Variants in XPR1 observed in about 807,000 individuals in gnomAD.
XPR1 encodes solute carrier family 53 member 1.
A neutral mutation model predicts 87.5 loss-of-function variants in XPR1; 28 were observed. The observed-to-expected ratio is 0.32, with a 90% CI of 0.24 to 0.44. The LOEUF (loss-of-function observed/expected upper bound fraction) is 0.44, where lower values mean the gene tolerates loss of function less well. XPR1 is among the 20% of genes least tolerant of loss of function. XPR1 has a pLI of 1.00. For missense variants in XPR1, 559 were observed against 862.3 expected (o/e 0.65, Z 4.41); for synonymous variants, 300 against 306.1 (o/e 0.98, Z 0.21).
intron 13 of XPR1, among the ~76,000 whole-genome samples, chr1:180,879,418 G>A (rs1165262912): frequency 6.6e-6 from 1 of 152,090 alleles, no homozygotes; most frequent in African/African-American, 2.4e-5. Flanking sequence ...CTGTGGGTGG[G>A]CCCTCTTCCA....
At chr1:180,634,946 C>T (rs2101889727) in intron 1 of XPR1, among the ~76,000 whole-genome samples, 1 of 152,068 alleles carries the variant, frequency 6.6e-6, no homozygotes, top group African/African-American at 2.4e-5. Context: ...CGCTCTTCTT[C>T]CATAAAGTAA....
intron 1 of XPR1, among the ~76,000 whole-genome samples, chr1:180,655,978 T>A (rs780885072): frequency 1.3e-5 from 2 of 152,024 alleles, no homozygotes; most frequent in African/African-American, 2.4e-5. Flanking sequence ...TTATCCTCTC[T>A]TAGTTATTTT....
intron 2 of XPR1, among the ~76,000 whole-genome samples, chr1:180,768,927 A>G (rs555076246): frequency 1.3e-5 from 2 of 152,232 alleles, no homozygotes; most frequent in South Asian, 4.1e-4. Flanking sequence ...ATGGTGGCAC[A>G]TAGAATTGAA....
intron 1 of XPR1, among the ~76,000 whole-genome samples, chr1:180,642,989 G>C (rs563612231): frequency 2.0e-5 from 3 of 152,224 alleles, no homozygotes; most frequent in East Asian, 3.9e-4. Flanking sequence ...AATGCAATCT[G>C]GTTTAGTTAG....
chr1:180,758,142 C>CACACACACACAT (rs1008471362), intron 2 of XPR1, among the ~76,000 whole-genome samples: 1 of 151,056 alleles, frequency 6.6e-6, no homozygotes, highest in East Asian at 1.9e-4. Flanking sequence ...CACACACACA[C>CACACACACACAT]ACACATTATT....
At chr1:180,817,387 A>T (rs1650448905) in intron 7 of XPR1, among the ~76,000 whole-genome samples, 1 of 152,118 alleles carries the variant, frequency 6.6e-6, no homozygotes, top group African/African-American at 2.4e-5. Flanking sequence ...CTTCACATTT[A>T]CTCACCACTC....
At chr1:180,864,226 C>T (rs960076470) in intron 12 of XPR1, among the ~76,000 whole-genome samples, 3 of 152,138 alleles carry the variant, frequency 2.0e-5, no homozygotes, top group African/African-American at 7.2e-5. Flanking sequence ...CAGTCTGAAA[C>T]ACTCTCTCTC....
intron 2 of XPR1, among the ~76,000 whole-genome samples, chr1:180,726,569 T>C (rs139967661): frequency 6.6e-6 from 1 of 152,352 alleles, no homozygotes; most frequent in East Asian, 1.9e-4. Flanking sequence ...CCTCTTGGGG[T>C]CCCTGAGACT....
intron 2 of XPR1, among the ~76,000 whole-genome samples, chr1:180,727,163 T>G (rs1258058861): frequency 6.6e-6 from 1 of 152,066 alleles, no homozygotes; most frequent in Non-Finnish European, 1.5e-5. Context: ...GCGCCTGGCT[T>G]GGCCGTATGC....
chr1:180,683,096 A>G (rs1250572719), intron 2 of XPR1, among the ~76,000 whole-genome samples: 5 of 151,210 alleles, frequency 3.3e-5, no homozygotes, highest in African/African-American at 9.7e-5. Context: ...AGCATTAGGT[A>G]TATCTCCTAA....
chr1:180,849,472 AT>A (rs1651796254), intron 11 of XPR1, among the ~76,000 whole-genome samples: 1 of 152,152 alleles, frequency 6.6e-6, no homozygotes, highest in Non-Finnish European at 1.5e-5. Flanking sequence ...CTTCAGTCTA[AT>A]TGAGTAGGAT....
intron 2 of XPR1, among the ~76,000 whole-genome samples, chr1:180,721,210 A>G (rs1029549113): frequency 4.0e-5 from 6 of 151,748 alleles, no homozygotes; most frequent in Non-Finnish European, 7.4e-5. Context: ...GACAAGAACA[A>G]AACTCTGTCT....
chr1:180,877,716 A>G (rs1213051968), intron 13 of XPR1, among the ~76,000 whole-genome samples: 5 of 152,082 alleles, frequency 3.3e-5, no homozygotes, highest in Admixed American at 6.5e-5. Flanking sequence ...TTTATGTGTG[A>G]TATACTTCTG....
chr1:180,685,015 A>G (rs965033025), intron 2 of XPR1, among the ~76,000 whole-genome samples: 2 of 151,978 alleles, frequency 1.3e-5, no homozygotes, highest in Non-Finnish European at 2.9e-5. Flanking sequence ...AGAACTTCCA[A>G]CACTATGTTG....
chr1:180,715,127 G>A (rs1657943428), intron 2 of XPR1, among the ~76,000 whole-genome samples: 1 of 152,088 alleles, frequency 6.6e-6, no homozygotes, highest in Non-Finnish European at 1.5e-5. Context: ...TGCCTGGTTT[G>A]GATACTACTA....
chr1:180,682,027 A>G (rs780926804), intron 1 of XPR1, among the ~76,000 whole-genome samples: 3 of 152,154 alleles, frequency 2.0e-5, no homozygotes, highest in Non-Finnish European at 4.4e-5. Flanking sequence ...GCAGTCTACT[A>G]GTTTTTTTCT....
At chr1:180,748,479 C>T (rs933313171) in intron 2 of XPR1, among the ~76,000 whole-genome samples, 2 of 118,850 alleles carry the variant, frequency 1.7e-5, no homozygotes, top group Admixed American at 1.2e-4. Context: ...AGTGCAATGG[C>T]GCCATCTCAG....
chr1:180,866,223 C>A (rs964034132), intron 12 of XPR1, among the ~76,000 whole-genome samples: 37 of 138,280 alleles, frequency 2.7e-4, no homozygotes, highest in Non-Finnish European at 4.8e-4. Flanking sequence ...AAAAAAAAAA[C>A]AAAAACAAAA....
At chr1:180,668,076 C>G (rs1032050059) in intron 1 of XPR1, among the ~76,000 whole-genome samples, 1 of 146,276 alleles carries the variant, frequency 6.8e-6, no homozygotes, top group Admixed American at 6.8e-5. Flanking sequence ...TTTTTCTATT[C>G]TCTATTTTTT....
Sources: allele counts gnomAD v4.1 joint callset (sites outside exome capture counted in the v4.1 genomes callset), GRCh38; gene constraint gnomAD v4.1.1; transcripts MANE v1.5; gene names NCBI Gene and HGNC (gene_info 2026-07-23, HGNC 2026-07-21).